PEMT: variants seen among roughly 807,000 people sequenced by gnomAD.
PEMT encodes phospholipid methyltransferase.
In PEMT, 23 loss-of-function variants were observed where a neutral mutation model predicts 27.4. That is an observed-to-expected ratio of 0.84 (90% CI 0.60 to 1.19). PEMT has a LOEUF of 1.19. PEMT is among the 50% of genes most tolerant of loss of function. PEMT has a pLI of 0.00. For synonymous variants in PEMT, 137 were observed against 139.1 expected (o/e 0.98, Z 0.11); for missense variants, 307 against 310.1 (o/e 0.99, Z 0.07).
At chr17:17,586,260 G>GAAAGAAAGAAAGAAAT (rs1912278878) in intron 1 of PEMT, among the ~76,000 whole-genome samples, 83 of 107,366 alleles carry the variant, frequency 7.7e-4, no homozygotes, top group Non-Finnish European at 1.1e-3. Flanking sequence ...AAGAAAGAAA[G>GAAAGAAAGAAAGAAAT]AAAGAAAGAA....
At chr17:17,535,255 A>G (rs565135336) in intron 2 of PEMT, among the ~76,000 whole-genome samples, 1 of 152,232 alleles carries the variant, frequency 6.6e-6, no homozygotes, top group Admixed American at 6.5e-5. Flanking sequence ...TGAATGTTTA[A>G]TGTATTATAT....
intron 2 of PEMT, among the ~76,000 whole-genome samples, chr17:17,559,595 G>T (rs757421899): frequency 5.9e-5 from 9 of 152,244 alleles, no homozygotes; most frequent in Non-Finnish European, 1.3e-4. Flanking sequence ...GCCAGATGAA[G>T]GCCAGTTCTG....
intron 1 of PEMT, among the ~76,000 whole-genome samples, chr17:17,578,111 C>T (rs1354482025): frequency 6.6e-6 from 1 of 151,562 alleles, no homozygotes; most frequent in African/African-American, 2.4e-5. Flanking sequence ...CATGATTCAG[C>T]ACCTAGACAG....
intron 2 of PEMT, among the ~76,000 whole-genome samples, chr17:17,528,415 G>A (rs984069690): frequency 2.0e-5 from 3 of 152,198 alleles, no homozygotes; most frequent in Admixed American, 1.3e-4. Context: ...CCCACGTGGG[G>A]CTACCACCCG....
At chr17:17,510,399 A>G (rs531200727) in intron 4 of PEMT, among the ~76,000 whole-genome samples, 4 of 152,002 alleles carry the variant, frequency 2.6e-5, no homozygotes, top group Admixed American at 1.3e-4. Context: ...GAAACCCCTC[A>G]TTTGTCTCTC....
chr17:17,512,530 C>G lies in PEMT; in HGVS notation c.445G>C (p.Gly149Arg). The change falls in exon 4 of 7, where the codon GGG becomes CGG. Residue 149 changes from glycine to arginine, a missense_variant. Transcript: ENST00000255389. The surrounding 1 kb of genome is among the most constrained non-coding windows in gnomAD (Gnocchi z 6.3). ...TTACCTAGGAAAGTTCCAGCGAACCCCAGTGCAAAGAAGCTGGAGAGCACG... is the reference window on the plus strand; with the variant it reads ...TTACCTAGGAAAGTTCCAGCGAACCGCAGTGCAAAGAAGCTGGAGAGCACG... Reference protein sequence around the residue: ...VLVLSSFFALGFAGTFLGDYF... With the variant: ...VLVLSSFFALRFAGTFLGDYF... 6.2e-7 allele frequency: 1 copy of G among 1,604,670 alleles called. No homozygotes were observed. The highest frequency in any genetic ancestry group is 8.5e-7 in the Non-Finnish European group (1 of 1,175,088).
At chr17:17,507,145 C>A in intron 5 of PEMT, 1 of 1,556,238 alleles carries the variant, frequency 6.4e-7, no homozygotes, top group Non-Finnish European at 8.7e-7. Context: ...GTCAAGCTGT[C>A]CCCCAATCTA....
At chr17:17,528,897 C>T (rs776884835) in intron 2 of PEMT, among the ~76,000 whole-genome samples, 1 of 152,222 alleles carries the variant, frequency 6.6e-6, no homozygotes, top group Non-Finnish European at 1.5e-5. Context: ...AGCATGAGGA[C>T]AGCCCATCGA....
chr17:17,521,522 G>A (rs1907257487), intron 3 of PEMT, among the ~76,000 whole-genome samples: 2 of 151,970 alleles, frequency 1.3e-5, no homozygotes, highest in African/African-American at 4.8e-5. Flanking sequence ...CAGCAGGAAG[G>A]TGCCTGTCCC....
At position 17,561,400 on chromosome 17, in the gene PEMT, C is replaced by A. The variant is rs184243865; in HGVS notation, c.204+15520G>T. ...AGCTGGAAGCTAAGTCCCCCTGAGT[C>A]CCTGCCTGAGCCCAACCTGAAGAAG... On this transcript the variant is annotated intron_variant, in intron 2 of 6. Transcript: ENST00000255389. This position sits in a 1 kb window ranked among gnomAD's most constrained non-coding sequence, Gnocchi z 4.5. Among the ~76,000 whole-genome samples, 287 of 152,360 alleles carry A rather than the reference C, an allele frequency of 1.9e-3. 1 individual carries two copies. Among genetic ancestry groups the A allele is most frequent in the African/African-American group, 6.7e-3 (280 of 41,590 alleles).
chr17:17,540,450 G>T (rs1179328272), intron 2 of PEMT, among the ~76,000 whole-genome samples: 2 of 152,194 alleles, frequency 1.3e-5, no homozygotes, highest in African/African-American at 2.4e-5. Flanking sequence ...GTCCCAGGGG[G>T]TCAGGGGAAC....
intron 2 of PEMT, among the ~76,000 whole-genome samples, chr17:17,554,106 G>T (rs1909870905): frequency 6.6e-6 from 1 of 152,254 alleles, no homozygotes; most frequent in South Asian, 2.1e-4. Flanking sequence ...CCGGGATCCT[G>T]CAGCCAACAG....
chr17:17,542,256 C>T (rs1398916420), intron 2 of PEMT, among the ~76,000 whole-genome samples: 1 of 152,022 alleles, frequency 6.6e-6, no homozygotes, highest in Non-Finnish European at 1.5e-5. Flanking sequence ...GCTGGGATTA[C>T]AGGCGTGAGC....
intron 2 of PEMT, among the ~76,000 whole-genome samples, chr17:17,556,139 GT>G (rs1398080785): frequency 1.3e-5 from 2 of 152,218 alleles, no homozygotes; most frequent in Non-Finnish European, 2.9e-5. Context: ...GTGAGGGGGT[GT>G]CCCCCAGACC....
chr17:17,524,456 A>C (rs956619952), intron 2 of PEMT, among the ~76,000 whole-genome samples: 1 of 151,988 alleles, frequency 6.6e-6, no homozygotes, highest in Non-Finnish European at 1.5e-5. Flanking sequence ...CCCTTTTCAA[A>C]AATTATAGCC....
At chr17:17,590,325 T>C (rs1036994463) in intron 1 of PEMT, among the ~76,000 whole-genome samples, 3 of 152,234 alleles carry the variant, frequency 2.0e-5, no homozygotes, top group Non-Finnish European at 4.4e-5. Flanking sequence ...CATCTCCTCC[T>C]GTGCCTCCTG....
chr17:17,543,779 T>C (rs1597911306), intron 2 of PEMT, among the ~76,000 whole-genome samples: 1 of 152,204 alleles, frequency 6.6e-6, no homozygotes, highest in African/African-American at 2.4e-5. Context: ...GCCAGGCTGG[T>C]CTTGAACTGC....
intron 2 of PEMT, among the ~76,000 whole-genome samples, chr17:17,545,495 C>T (rs1172736543): frequency 6.6e-6 from 1 of 152,244 alleles, no homozygotes; most frequent in African/African-American, 2.4e-5. Flanking sequence ...CAGGGCCATT[C>T]CTATGGGCCC....
chr17:17,512,558 C>T lies in PEMT; in HGVS notation c.417G>A (p.Val139=). 1 of 1,608,850 alleles carries T rather than the reference C, an allele frequency of 6.2e-7. No individual in the cohort carries two copies. The highest frequency in any genetic ancestry group is 8.5e-7 in the Non-Finnish European group (1 of 1,177,568). Residue 139 remains valine, a synonymous_variant, in exon 4 of 7, where the codon GTG becomes GTA. Coordinates refer to ENST00000255389, the MANE Select transcript of PEMT (RefSeq NM_148172.3). This position sits in a 1 kb window ranked among gnomAD's most constrained non-coding sequence, Gnocchi z 6.3. ...GTGCAAAGAAGCTGGAGAGCACGAG[C>T]ACGACGCCCAGTCCCAGGAGCGCGA... The part of the protein sequence containing the change: ...LGLALLGLGV[V]LVLSSFFALG...
Sources: gnomAD v4.1 joint callset for allele counts (sites outside exome capture counted in the v4.1 genomes callset) on GRCh38, gnomAD v4.1.1 for gene constraint, Gnocchi (gnomAD v3.1) non-coding constraint, MANE v1.5 for transcripts, NCBI Gene and HGNC (gene_info 2026-07-23, HGNC 2026-07-21) for gene names.